Variants in SLC8A1 observed in about 807,000 individuals in gnomAD.
The protein encoded by SLC8A1 is sodium/calcium exchanger 1.
SLC8A1 carries 18 observed loss-of-function variants against 68.3 expected under a neutral mutation model. That is an observed-to-expected ratio of 0.26 (90% CI 0.18 to 0.39). The LOEUF is 0.39. Among genes scored for constraint, SLC8A1 ranks in the 10% least tolerant of loss-of-function variants. SLC8A1 has a pLI of 1.00. For synonymous variants in SLC8A1, 475 were observed against 415.5 expected (o/e 1.14, Z -1.74); for missense variants, 985 against 1,156.7 (o/e 0.85, Z 2.15).
At chr2:40,320,262 T>C (rs956480460) in intron 2 of SLC8A1, among the ~76,000 whole-genome samples, 1 of 152,064 alleles carries the variant, frequency 6.6e-6, no homozygotes, top group African/African-American at 2.4e-5. Context: ...TTTTTTTCAA[T>C]GCAAAAATAA....
At chr2:40,376,086 G>C (rs1441591660) in intron 2 of SLC8A1, among the ~76,000 whole-genome samples, 1 of 152,116 alleles carries the variant, frequency 6.6e-6, no homozygotes, top group African/African-American at 2.4e-5. Flanking sequence ...TGAAGAGGTA[G>C]ACTCTCAAAC....
chr2:40,463,839 T>TACACACACACACACACACACACAC (rs761954909), intron 1 of SLC8A1, among the ~76,000 whole-genome samples: 1 of 123,316 alleles, frequency 8.1e-6, no homozygotes, highest in Non-Finnish European at 1.7e-5. Context: ...CACACACACA[T>TACACACACACACACACACACACAC]ACACACACAC....
intron 1 of SLC8A1, among the ~76,000 whole-genome samples, chr2:40,507,982 A>G (rs888081701): frequency 3.3e-5 from 5 of 152,090 alleles, no homozygotes; most frequent in African/African-American, 1.2e-4. Context: ...TGAAGCAATA[A>G]AAGTAGTAAA....
At chr2:40,197,000 C>T (rs187860040) in intron 2 of SLC8A1, among the ~76,000 whole-genome samples, 21 of 152,010 alleles carry the variant, frequency 1.4e-4, no homozygotes, top group Admixed American at 4.6e-4. Flanking sequence ...TATGGTAGAT[C>T]GATTTGTTCT....
intron 2 of SLC8A1, among the ~76,000 whole-genome samples, chr2:40,349,945 T>G (rs1316527358): frequency 1.3e-5 from 2 of 152,116 alleles, no homozygotes; most frequent in Non-Finnish European, 2.9e-5. Context: ...AATATTAAAA[T>G]GGAGCTCCAA....
At chr2:40,227,601 A>G (rs911058173) in intron 2 of SLC8A1, among the ~76,000 whole-genome samples, 2 of 152,050 alleles carry the variant, frequency 1.3e-5, no homozygotes, top group East Asian at 1.9e-4. Flanking sequence ...AAAAAAATTG[A>G]TACTAGGCTT....
intron 1 of SLC8A1, among the ~76,000 whole-genome samples, chr2:40,459,278 G>A (rs2149891568): frequency 6.6e-6 from 1 of 152,356 alleles, no homozygotes; most frequent in African/African-American, 2.4e-5. Context: ...TAGGTGGTCA[G>A]TTCTGCAGAG....
chr2:40,183,950 G>A (rs751341545), intron 2 of SLC8A1, among the ~76,000 whole-genome samples: 9 of 152,068 alleles, frequency 5.9e-5, no homozygotes, highest in Non-Finnish European at 1.2e-4. Context: ...GAGTCCAGGA[G>A]TTTTAGAGCA....
At chr2:40,393,399 T>A (rs1333753721) in intron 2 of SLC8A1, among the ~76,000 whole-genome samples, 2 of 152,272 alleles carry the variant, frequency 1.3e-5, no homozygotes, top group East Asian at 3.9e-4. Context: ...AAATCTCACA[T>A]ATAAAATTTA....
chr2:40,272,084 GC>G (rs1166610033), intron 2 of SLC8A1, among the ~76,000 whole-genome samples: 1 of 151,964 alleles, frequency 6.6e-6, no homozygotes, highest in Non-Finnish European at 1.5e-5. Flanking sequence ...GCCCTGGCTG[GC>G]CCGGAACGCC....
At chr2:40,446,763 CA>C (rs1701523467) in intron 1 of SLC8A1, 4 of 152,182 alleles carry the variant, frequency 2.6e-5, no homozygotes, top group Admixed American at 2.6e-4. Flanking sequence ...ATCCTTAAGT[CA>C]GAAAAATGAT....
intron 1 of SLC8A1, among the ~76,000 whole-genome samples, 172 bp downstream of exon 1, chr2:40,451,732 C>CATCACACACACACACACACACACACA (rs1195159597): frequency 7.3e-6 from 1 of 136,342 alleles, no homozygotes; most frequent in African/African-American, 2.8e-5. Context: ...CGCGCACACA[C>CATCACACACACACACACACACACACA]CACATCACAC....
At chr2:40,499,582 C>G (rs1705920158) in intron 1 of SLC8A1, among the ~76,000 whole-genome samples, 1 of 152,010 alleles carries the variant, frequency 6.6e-6, no homozygotes, top group African/African-American at 2.4e-5. Flanking sequence ...GAGTTGGTGA[C>G]AGTTCCCAAC....
At chr2:40,383,196 T>C (rs1043667091) in intron 2 of SLC8A1, among the ~76,000 whole-genome samples, 7 of 152,252 alleles carry the variant, frequency 4.6e-5, no homozygotes, top group East Asian at 1.9e-4. Context: ...ACATAAATCA[T>C]GGAGCAAAGT....
chr2:40,410,685 T>C (rs550755528), intron 2 of SLC8A1, among the ~76,000 whole-genome samples: 1 of 152,268 alleles, frequency 6.6e-6, no homozygotes, highest in South Asian at 2.1e-4. Flanking sequence ...TTCACAGTTA[T>C]CATTTTTTGT....
intron 1 of SLC8A1, among the ~76,000 whole-genome samples, chr2:40,465,351 C>G (rs922323938): frequency 3.3e-5 from 5 of 152,120 alleles, no homozygotes. Flanking sequence ...TACATTTACA[C>G]TGATTTTTCC....
At chr2:40,453,209 G>C (rs1287909265), upstream of SLC8A1, 3 of 152,158 alleles carry the variant, frequency 2.0e-5, no homozygotes, top group Admixed American at 6.5e-5. Context: ...ATCTGATGCA[G>C]ACTCTCCCGT....
At chr2:40,327,553 G>A (rs1031860850) in intron 2 of SLC8A1, among the ~76,000 whole-genome samples, 1 of 151,618 alleles carries the variant, frequency 6.6e-6, no homozygotes, top group East Asian at 2.0e-4. Context: ...TTAAAATACA[G>A]TGCTTCACCG....
At position 40,238,190 on chromosome 2, in the gene SLC8A1, G is replaced by A. The variant is rs989600299; in HGVS notation, c.1809-60335C>T. 6.6e-4 allele frequency among the ~76,000 whole-genome samples: 101 copies of A among 152,048 alleles called. 1 individual carries two copies. The highest frequency in any genetic ancestry group is 3.7e-4 in the Non-Finnish European group (25 of 67,848). ...TAATCAAGCCTGGGCAATGGCGGGC[G>A]CCCCTCCCCCAGCCTCGCTGCCGCC... On this transcript the variant is annotated intron_variant, in intron 2 of 7. Coordinates refer to ENST00000406785, the Ensembl canonical transcript of SLC8A1.
Sources: allele counts gnomAD v4.1 joint callset (sites outside exome capture counted in the v4.1 genomes callset), GRCh38; gene constraint gnomAD v4.1.1; transcripts MANE v1.5; gene names NCBI Gene and HGNC (gene_info 2026-07-23, HGNC 2026-07-21).